The following SLIT3 variants were observed in gnomAD, a reference collection of about 807,000 sequenced individuals.
The protein encoded by SLIT3 is slit guidance ligand 3, also known as slit homolog 3 protein.
SLIT3 carries 68 observed loss-of-function variants against 184.0 expected under a neutral mutation model. The ratio of observed to expected loss-of-function variants is 0.37; its 90% CI spans 0.30 to 0.45. The LOEUF (loss-of-function observed/expected upper bound fraction) is 0.45, where lower values mean the gene tolerates loss of function less well. Ranked by LOEUF, SLIT3 falls within the 20% of genes least tolerant of loss-of-function variation. The pLI is 1.00. For missense variants in SLIT3, 1,707 were observed against 2,026.0 expected (o/e 0.84, Z 3.02); for synonymous variants, 831 against 828.6 (o/e 1.00, Z -0.05).
At chr5:168,775,764 C>G (rs1443545433) in intron 12 of SLIT3, among the ~76,000 whole-genome samples, 2 of 152,164 alleles carry the variant, frequency 1.3e-5, no homozygotes, top group Non-Finnish European at 2.9e-5. Flanking sequence ...GGTCAGCCTT[C>G]CTATCCATGA....
At chr5:169,234,548 C>A (rs756167417) in intron 3 of SLIT3, among the ~76,000 whole-genome samples, 10 of 152,124 alleles carry the variant, frequency 6.6e-5, no homozygotes, top group South Asian at 4.1e-4. Context: ...GGACTACAGG[C>A]GTGTGCCATC....
At chr5:168,856,885 G>A (rs1268255270) in intron 5 of SLIT3, among the ~76,000 whole-genome samples, 3 of 151,468 alleles carry the variant, frequency 2.0e-5, no homozygotes, top group African/African-American at 7.3e-5. Context: ...CCTCACTCAG[G>A]GCAGTGAGGG....
intron 4 of SLIT3, among the ~76,000 whole-genome samples, chr5:168,903,877 T>C (rs1257761161): frequency 6.6e-6 from 1 of 152,174 alleles, no homozygotes; most frequent in East Asian, 1.9e-4. Flanking sequence ...CCATAAAACC[T>C]TGATGTACAG....
chr5:169,265,128 T>C (rs563937717), intron 1 of SLIT3, among the ~76,000 whole-genome samples: 6 of 151,854 alleles, frequency 4.0e-5, no homozygotes, highest in South Asian at 2.1e-4. Flanking sequence ...TCCCTGCCCC[T>C]GTTTTGCTCA....
chr5:169,101,613 T>C (rs60722926), intron 4 of SLIT3, among the ~76,000 whole-genome samples: 3 of 152,188 alleles, frequency 2.0e-5, no homozygotes, highest in African/African-American at 7.2e-5. Flanking sequence ...CTTCCACAAA[T>C]GGAAATATAC....
At chr5:168,710,823 C>T in intron 25 of SLIT3, 72 bp downstream of exon 25, 1 of 1,311,490 alleles carries the variant, frequency 7.6e-7, no homozygotes, top group Non-Finnish European at 1.0e-6. Flanking sequence ...AGATACCCTG[C>T]TCTGACAGGT....
chr5:168,953,009 C>G (rs114251866), intron 4 of SLIT3, among the ~76,000 whole-genome samples: 2 of 152,208 alleles, frequency 1.3e-5, no homozygotes, highest in South Asian at 4.2e-4. Context: ...GAGGACGGGT[C>G]GGGGAGACCA....
At chr5:169,153,208 A>G (rs1243141657) in intron 4 of SLIT3, among the ~76,000 whole-genome samples, 1 of 152,166 alleles carries the variant, frequency 6.6e-6, no homozygotes, top group African/African-American at 2.4e-5. Flanking sequence ...ATTTGGGCCA[A>G]TGGGGAGGGG....
intron 20 of SLIT3, among the ~76,000 whole-genome samples, chr5:168,731,763 A>G (rs1763296606): frequency 6.6e-6 from 1 of 152,114 alleles, no homozygotes; most frequent in African/African-American, 2.4e-5. Context: ...TCCCTTCATG[A>G]TAAAATTTAG....
chr5:168,987,598 C>T (rs1755177478), intron 4 of SLIT3, among the ~76,000 whole-genome samples: 1 of 152,218 alleles, frequency 6.6e-6, no homozygotes, highest in Admixed American at 6.5e-5. Flanking sequence ...CACATGCACA[C>T]AGTAAAGCTC....
intron 4 of SLIT3, among the ~76,000 whole-genome samples, chr5:169,082,424 A>G (rs559425143): frequency 1.3e-4 from 20 of 152,354 alleles, no homozygotes; most frequent in African/African-American, 4.8e-4. Flanking sequence ...TCAGAAGAGT[A>G]ATGAGATAGC....
Position 169,239,916 on chromosome 5 carries a change from T to C in SLIT3, c.341+4789A>G, listed in dbSNP as rs186557199. ...ATTGAATAATATAGCTTAAAGGCTA[T>C]ACATTTTCCTCTGAGCATGGCTTTG... is the stretch of plus-strand genomic sequence containing the variant. On this transcript the variant is annotated intron_variant, in intron 3 of 35. Coordinates refer to ENST00000519560, the MANE Select transcript of SLIT3 (RefSeq NM_003062.4). Among the ~76,000 whole-genome samples the C allele has an allele frequency of 1.2e-3, 186 of 152,208 alleles. 1 individual carries two copies. The highest frequency in any genetic ancestry group is 2.2e-3 in the Non-Finnish European group (150 of 67,920).
chr5:169,183,558 T>C (rs1014463823), intron 4 of SLIT3, among the ~76,000 whole-genome samples: 1 of 152,188 alleles, frequency 6.6e-6, no homozygotes, highest in African/African-American at 2.4e-5. Flanking sequence ...AAAGGATGGC[T>C]TTTCTCACTC....
chr5:168,770,964 C>T (rs1014707111), intron 14 of SLIT3, among the ~76,000 whole-genome samples: 1 of 151,766 alleles, frequency 6.6e-6, no homozygotes, highest in Non-Finnish European at 1.5e-5. Flanking sequence ...AGATACCAGT[C>T]CTTGGATCCT....
At chr5:169,049,925 G>C (rs1337236939) in intron 4 of SLIT3, among the ~76,000 whole-genome samples, 1 of 152,172 alleles carries the variant, frequency 6.6e-6, no homozygotes, top group Non-Finnish European at 1.5e-5. Flanking sequence ...TCTTTACTAG[G>C]GAGGTGCTGG....
chr5:168,863,624 C>T (rs13173661), intron 5 of SLIT3, among the ~76,000 whole-genome samples: 32,713 of 152,136 alleles, frequency 0.22, 3,843 homozygotes, highest in East Asian at 0.28. Flanking sequence ...AGGGCATGGC[C>T]AACTCAGAGT....
At chr5:168,920,381 A>G (rs886660973) in intron 4 of SLIT3, among the ~76,000 whole-genome samples, 6 of 152,170 alleles carry the variant, frequency 3.9e-5, no homozygotes, top group Non-Finnish European at 1.5e-5. Flanking sequence ...TCCCTTCTCC[A>G]GGATGCCTCA....
At chr5:169,004,695 T>C (rs1008358979) in intron 4 of SLIT3, among the ~76,000 whole-genome samples, 14 of 152,098 alleles carry the variant, frequency 9.2e-5, no homozygotes, top group Non-Finnish European at 2.1e-4. Context: ...ACGATGGTAT[T>C]TGGAGGTGGA....
chr5:169,048,218 G>A (rs908995914), intron 4 of SLIT3, among the ~76,000 whole-genome samples: 1 of 152,126 alleles, frequency 6.6e-6, no homozygotes, highest in African/African-American at 2.4e-5. Context: ...GGTCTTGGAT[G>A]GCTTCTTGAA....
Sources: allele counts gnomAD v4.1 joint callset (sites outside exome capture counted in the v4.1 genomes callset), GRCh38; gene constraint gnomAD v4.1.1; transcripts MANE v1.5; gene names NCBI Gene and HGNC (gene_info 2026-07-23, HGNC 2026-07-21).